Variants in PAK1 observed in about 807,000 individuals in gnomAD.
PAK1 encodes p21 (RAC1) activated kinase 1.
PAK1 carries 29 observed loss-of-function variants against 67.4 expected under a neutral mutation model. The observed-to-expected ratio is 0.43, with a 90% CI of 0.32 to 0.59. The LOEUF (loss-of-function observed/expected upper bound fraction) is 0.59, where lower values mean the gene tolerates loss of function less well. Ranked by LOEUF, PAK1 falls within the 20% of genes least tolerant of loss-of-function variation. The pLI is 0.07. For synonymous variants in PAK1, 223 were observed against 237.4 expected, an observed-to-expected ratio of 0.94 and a Z score of 0.56; for missense variants, 337 against 670.7, an observed-to-expected ratio of 0.50 and a Z score of 5.50.
chr11:77,346,943 TG>T (rs761831116), intron 9 of PAK1: 24 of 443,912 alleles, frequency 5.4e-5, no homozygotes, highest in Non-Finnish European at 9.9e-5. Flanking sequence ...ATATGTTAAC[TG>T]GAAGACTTCC....
the PAK1 span, among the ~76,000 whole-genome samples, chr11:77,526,405 C>G: frequency 1.1e-4 from 16 of 152,136 alleles, no homozygotes; most frequent in Admixed American, 3.3e-4. Flanking sequence ...CAACTCTGCT[C>G]TAGGATTCTA....
At chr11:77,372,593 T>G (rs1236834117) in intron 5 of PAK1, among the ~76,000 whole-genome samples, 1 of 152,206 alleles carries the variant, frequency 6.6e-6, no homozygotes, top group African/African-American at 2.4e-5. Flanking sequence ...GTGTTAGAAC[T>G]TAACCACTCT....
intron 14 of PAK1, chr11:77,325,293 G>A: frequency 1.9e-6 from 3 of 1,613,590 alleles, no homozygotes; most frequent in Non-Finnish European, 2.5e-6. Context: ...ACACTTGAGA[G>A]CCAAACAGGC....
chr11:77,523,024 A>G, the PAK1 span, among the ~76,000 whole-genome samples: 2 of 152,204 alleles, frequency 1.3e-5, no homozygotes, highest in Non-Finnish European at 2.9e-5. Context: ...AACACTGGGT[A>G]CACATGGACA....
chr11:77,329,053 C>T (rs550958672), intron 14 of PAK1: 3 of 152,118 alleles, frequency 2.0e-5, no homozygotes, highest in Non-Finnish European at 4.4e-5. Flanking sequence ...ATAAATTCCT[C>T]GACACATACA....
intron 1 of PAK1, among the ~76,000 whole-genome samples, chr11:77,452,557 C>T (rs186877379): frequency 1.1e-4 from 16 of 152,236 alleles, no homozygotes; most frequent in African/African-American, 3.9e-4. Context: ...CAGCCAGCAA[C>T]CCAACTAGTC....
At chr11:77,521,493 C>T in the PAK1 span, among the ~76,000 whole-genome samples, 2 of 151,714 alleles carry the variant, frequency 1.3e-5, no homozygotes, top group Non-Finnish European at 2.9e-5. Context: ...CGTGCCATTG[C>T]ACTCCAGCCT....
At chr11:77,323,513 CT>C (rs1389591771) in intron 14 of PAK1, among the ~76,000 whole-genome samples, 153 bp from the exon 15 acceptor site, 5 of 152,272 alleles carry the variant, frequency 3.3e-5, no homozygotes, top group Admixed American at 6.5e-5. Context: ...AAACAGACCA[CT>C]TTGGAAAACT....
At chr11:77,492,633 C>A in the PAK1 span, among the ~76,000 whole-genome samples, 1 of 150,964 alleles carries the variant, frequency 6.6e-6, no homozygotes, top group South Asian at 2.1e-4. Flanking sequence ...CCTCAAACTC[C>A]TGGGCTTAAG....
chr11:77,499,837 C>T, the PAK1 span, among the ~76,000 whole-genome samples: 464 of 152,196 alleles, frequency 3.0e-3, 1 homozygote, highest in Non-Finnish European at 4.6e-3. Flanking sequence ...GTAGACTTTC[C>T]GGCATTTTGG....
chr11:77,432,998 A>G (rs148621973), intron 1 of PAK1, among the ~76,000 whole-genome samples: 11 of 152,356 alleles, frequency 7.2e-5, no homozygotes, highest in Non-Finnish European at 1.5e-4. Flanking sequence ...GAATAAAGAT[A>G]CAGATCAATT....
At chr11:77,433,757 C>T (rs906560865) in intron 1 of PAK1, among the ~76,000 whole-genome samples, 2 of 151,986 alleles carry the variant, frequency 1.3e-5, no homozygotes, top group Non-Finnish European at 2.9e-5. Context: ...CCAGCGTGGG[C>T]GACAGAGCAA....
At chr11:77,504,643 T>G in the PAK1 span, among the ~76,000 whole-genome samples, 2 of 152,228 alleles carry the variant, frequency 1.3e-5, no homozygotes, top group African/African-American at 4.8e-5. Context: ...AATAATACCT[T>G]AGTATTATTA....
chr11:77,490,319 G>A, the PAK1 span, among the ~76,000 whole-genome samples: 11 of 139,772 alleles, frequency 7.9e-5, no homozygotes, highest in African/African-American at 2.4e-4. Flanking sequence ...CGCCCCGTCC[G>A]GGAGGGAGGT....
chr11:77,389,253 G>A (rs886272759), intron 2 of PAK1, among the ~76,000 whole-genome samples: 4 of 152,236 alleles, frequency 2.6e-5, no homozygotes, highest in East Asian at 1.9e-4. Flanking sequence ...GTCATGGCAC[G>A]GATCAGAACT....
At chr11:77,443,348 A>G (rs1398329540) in intron 1 of PAK1, among the ~76,000 whole-genome samples, 5 of 151,718 alleles carry the variant, frequency 3.3e-5, no homozygotes, top group Non-Finnish European at 7.4e-5. Flanking sequence ...TAAGATTGTT[A>G]TAATAGACTG....
chr11:77,464,434 A>G (rs371095719), intron 1 of PAK1, among the ~76,000 whole-genome samples: 3 of 152,184 alleles, frequency 2.0e-5, no homozygotes, highest in East Asian at 1.9e-4. Context: ...ATATCTACTT[A>G]CTTTTCTCTG....
rs776771041 is a variant in PAK1, at chr11:77,332,887, A to C, written c.1414-20T>G. 6.2e-7 allele frequency: 1 copy of C among 1,612,224 alleles called. No individual in the cohort carries two copies. Among genetic ancestry groups the C allele is most frequent in the Admixed American group, 1.7e-5 (1 of 60,004 alleles). On this transcript the variant is annotated intron_variant, in intron 13 of 14. Transcript: ENST00000356341. Reference sequence around the variant, plus strand: ...CAAGGCCTGGCAATAAAAATGGTGAATCACCTTGAGCTCCAAATGAGGCTC... The same window carrying C: ...CAAGGCCTGGCAATAAAAATGGTGACTCACCTTGAGCTCCAAATGAGGCTC...
chr11:77,426,555 GT>G (rs1279317310), intron 1 of PAK1, among the ~76,000 whole-genome samples: 1 of 152,130 alleles, frequency 6.6e-6, no homozygotes, highest in Non-Finnish European at 1.5e-5. Flanking sequence ...ATTCTAAGGA[GT>G]TTTCCATGCT....
Sources: gnomAD v4.1 joint callset for allele counts (sites outside exome capture counted in the v4.1 genomes callset) on GRCh38, gnomAD v4.1.1 for gene constraint, MANE v1.5 for transcripts, NCBI Gene and HGNC (gene_info 2026-07-23, HGNC 2026-07-21) for gene names.